UBE2H: variants seen among roughly 807,000 people sequenced by gnomAD.
UBE2H encodes ubiquitin-conjugating enzyme E2 H.
A neutral mutation model predicts 29.0 loss-of-function variants in UBE2H; 3 were observed. The observed-to-expected ratio is 0.10, with a 90% CI of 0.05 to 0.27. The LOEUF is 0.27. UBE2H is among the 10% of genes least tolerant of loss of function. The pLI is 1.00. For synonymous variants in UBE2H, 69 were observed against 82.9 expected (o/e 0.83, Z 0.91); for missense variants, 68 against 228.2 (o/e 0.30, Z 4.52).
chr7:129,852,720 C>CA (rs1554430772), intron 5 of UBE2H, among the ~76,000 whole-genome samples: 1 of 148,870 alleles, frequency 6.7e-6, no homozygotes, highest in Non-Finnish European at 1.5e-5. Flanking sequence ...TTCTCCACAA[C>CA]TTTTTTTTTT....
chr7:129,937,878 G>A (rs1563052623), intron 1 of UBE2H, among the ~76,000 whole-genome samples: 1 of 152,162 alleles, frequency 6.6e-6, no homozygotes, highest in Non-Finnish European at 1.5e-5. Flanking sequence ...AAAGTTAACA[G>A]ATGCTAATAA....
At chr7:129,865,830 T>C (rs1045590882) in intron 3 of UBE2H, among the ~76,000 whole-genome samples, 1 of 152,246 alleles carries the variant, frequency 6.6e-6, no homozygotes, top group Non-Finnish European at 1.5e-5. Flanking sequence ...TATTAAAGAC[T>C]GAATCTCATC....
intron 1 of UBE2H, among the ~76,000 whole-genome samples, chr7:129,922,115 C>G (rs552195187): frequency 6.6e-6 from 1 of 151,776 alleles, no homozygotes; most frequent in Non-Finnish European, 1.5e-5. Context: ...TCCTGAGTAG[C>G]TGAGACTACA....
intron 3 of UBE2H, among the ~76,000 whole-genome samples, chr7:129,864,556 C>CTTTTTTTTTTT: frequency 7.6e-6 from 1 of 130,976 alleles, no homozygotes; most frequent in Admixed American, 8.3e-5. Context: ...TCTTTTCTTT[C>CTTTTTTTTTTT]TTTTTTTTTT....
rs148209662 is a variant in UBE2H at position 129,886,362 on chromosome 7, C to T, written c.54-5391G>A. Among the ~76,000 whole-genome samples, 692 of 152,254 alleles carry T rather than the reference C, an allele frequency of 4.5e-3. 6 individuals are homozygous for T. Among genetic ancestry groups the T allele is most frequent in the African/African-American group, 0.016 (659 of 41,528 alleles). On this transcript the variant is annotated intron_variant, in intron 1 of 6. Transcript: ENST00000355621. ...GATTACACAATCTAATATTTAAAGG[C>T]AAATGCCAAACTGTCAAGAGATAAA...
chr7:129,833,909 C>G lies in UBE2H; in HGVS notation c.*1028G>C, dbSNP rs1171395841. 1 of 152,134 alleles carries G rather than the reference C, an allele frequency of 6.6e-6. No homozygotes were observed. Among genetic ancestry groups the G allele is most frequent in the African/African-American group, 2.4e-5 (1 of 41,406 alleles). 9.4% of individuals were successfully genotyped at this position (152,134 alleles called of 1,614,324 possible). ...GCTTTGCAGTCACCACGTGGGTCGT[C>G]TTCTCAAGTCTAATGGTCCATGAGC... is the stretch of plus-strand genomic sequence containing the variant. On this transcript the variant is annotated 3_prime_UTR_variant, in exon 7 of 7. Transcript: ENST00000355621.
intron 6 of UBE2H, among the ~76,000 whole-genome samples, chr7:129,838,235 A>G (rs1805365962): frequency 6.6e-6 from 1 of 152,238 alleles, no homozygotes; most frequent in Non-Finnish European, 1.5e-5. Context: ...TCCAAACAAT[A>G]CCCTATAGAG....
chr7:129,948,797 GA>G (rs994375855), intron 1 of UBE2H, among the ~76,000 whole-genome samples: 2 of 152,172 alleles, frequency 1.3e-5, no homozygotes, highest in African/African-American at 2.4e-5. Context: ...CTACTTTTCT[GA>G]TTTAACCTTA....
At chr7:129,863,168 T>G (rs1805833514) in intron 3 of UBE2H, among the ~76,000 whole-genome samples, 1 of 152,206 alleles carries the variant, frequency 6.6e-6, no homozygotes, top group Admixed American at 6.5e-5. Flanking sequence ...AATCTAGATT[T>G]GGCTTAGTTG....
intron 5 of UBE2H, among the ~76,000 whole-genome samples, chr7:129,851,768 C>T (rs538685998): frequency 4.6e-5 from 7 of 152,112 alleles, no homozygotes; most frequent in African/African-American, 1.4e-4. Flanking sequence ...AATGAATGTC[C>T]ACTAAGTTGT....
At chr7:129,886,975 A>C (rs74999452) in intron 1 of UBE2H, among the ~76,000 whole-genome samples, 3 of 152,084 alleles carry the variant, frequency 2.0e-5, no homozygotes, top group Non-Finnish European at 4.4e-5. Context: ...GAAACAGTAG[A>C]GGGCCAGCAA....
intron 1 of UBE2H, among the ~76,000 whole-genome samples, chr7:129,881,346 C>A (rs1042663964): frequency 3.9e-5 from 6 of 152,140 alleles, no homozygotes; most frequent in African/African-American, 1.4e-4. Flanking sequence ...CTGCATTTTG[C>A]CTATATACAT....
intron 1 of UBE2H, among the ~76,000 whole-genome samples, chr7:129,904,177 A>G (rs1183523531): frequency 6.6e-6 from 1 of 152,032 alleles, no homozygotes; most frequent in Non-Finnish European, 1.5e-5. Context: ...CTCAAACACA[A>G]TAAGCTCTCT....
intron 1 of UBE2H, among the ~76,000 whole-genome samples, chr7:129,896,742 T>C (rs1416542324): frequency 6.6e-6 from 1 of 152,172 alleles, no homozygotes; most frequent in African/African-American, 2.4e-5. Flanking sequence ...GTTTTTACTC[T>C]AACTTGACAT....
At chr7:129,888,909 T>C (rs978763286) in intron 1 of UBE2H, among the ~76,000 whole-genome samples, 20 of 152,198 alleles carry the variant, frequency 1.3e-4, no homozygotes, top group African/African-American at 1.9e-4. Flanking sequence ...GAGAGATTTC[T>C]TCCAGCCCGG....
intron 1 of UBE2H, among the ~76,000 whole-genome samples, chr7:129,901,688 G>A (rs548526576): frequency 1.1e-4 from 17 of 152,048 alleles, no homozygotes; most frequent in African/African-American, 3.6e-4. Flanking sequence ...TCTGCCTCCC[G>A]GGTTCAAGCG....
chr7:129,928,264 G>C (rs1316975041), intron 1 of UBE2H, among the ~76,000 whole-genome samples: 1 of 151,800 alleles, frequency 6.6e-6, no homozygotes, highest in Non-Finnish European at 1.5e-5. Context: ...CCTGGCGACA[G>C]AGCAAGTCTC....
intron 1 of UBE2H, among the ~76,000 whole-genome samples, chr7:129,926,540 C>T (rs991114832): frequency 6.6e-6 from 1 of 151,830 alleles, no homozygotes; most frequent in African/African-American, 2.4e-5. Context: ...AAACTCCTGG[C>T]CTCGAGTGAT....
chr7:129,915,352 C>G (rs1284202408), intron 1 of UBE2H, among the ~76,000 whole-genome samples: 2 of 152,048 alleles, frequency 1.3e-5, no homozygotes, highest in African/African-American at 4.8e-5. Context: ...CTGGCTAACA[C>G]AGTGGAACCC....
Sources: gnomAD v4.1 joint callset for allele counts (sites outside exome capture counted in the v4.1 genomes callset) on GRCh38, gnomAD v4.1.1 for gene constraint, MANE v1.5 for transcripts, NCBI Gene and HGNC (gene_info 2026-07-23, HGNC 2026-07-21) for gene names.